ZFHX3: variants seen among roughly 807,000 people sequenced by gnomAD.
ZFHX3 encodes zinc finger homeobox 3.
Under a neutral mutation model 279.1 loss-of-function variants are expected in ZFHX3, and 42 were observed. The observed-to-expected ratio is 0.15, with a 90% CI of 0.12 to 0.19. The LOEUF (loss-of-function observed/expected upper bound fraction) is 0.19, where lower values mean the gene tolerates loss of function less well. Ranked by LOEUF, ZFHX3 falls within the 10% of genes least tolerant of loss-of-function variation. The probability of loss-of-function intolerance (pLI) is 1.00; values close to 1 mark genes in which losing one functional copy is unlikely to be tolerated. For synonymous variants in ZFHX3, 2,293 were observed against 1,957.8 expected (o/e 1.17, Z -4.52); for missense variants, 4,981 against 4,754.0 (o/e 1.05, Z -1.40).
At chr16:73,477,999 G>A (rs1387921468) in intron 2 of ZFHX3, among the ~76,000 whole-genome samples, 1 of 152,108 alleles carries the variant, frequency 6.6e-6, no homozygotes, top group Non-Finnish European at 1.5e-5. Flanking sequence ...GAGGCTGGGC[G>A]CAGTGACTCA....
intron 4 of ZFHX3, among the ~76,000 whole-genome samples, chr16:73,302,602 T>C (rs2015082108): frequency 6.6e-6 from 1 of 152,230 alleles, no homozygotes; most frequent in African/African-American, 2.4e-5. Context: ...CCTCTGGCCT[T>C]GATAACCTCC....
chr16:73,177,036 A>C (rs1967681366), intron 5 of ZFHX3, among the ~76,000 whole-genome samples: 2 of 152,182 alleles, frequency 1.3e-5, no homozygotes, highest in Admixed American at 1.3e-4. Flanking sequence ...TGACATTTGT[A>C]TATCCCTCAG....
At chr16:73,072,567 T>C (rs1965837038) in intron 8 of ZFHX3, among the ~76,000 whole-genome samples, 3 of 152,264 alleles carry the variant, frequency 2.0e-5, no homozygotes, top group Middle Eastern at 6.8e-3. Context: ...GGTTCATTCC[T>C]ATTTCTTTGT....
intron 1 of ZFHX3, among the ~76,000 whole-genome samples, chr16:73,682,946 GAA>G (rs879488631): frequency 8.4e-4 from 15 of 17,836 alleles, no homozygotes; most frequent in Admixed American, 2.6e-3. Context: ...AAGAAAGAAA[GAA>G]AGAAAGAAAG....
At chr16:72,901,311 T>C (rs1313394821) in intron 3 of ZFHX3, among the ~76,000 whole-genome samples, 1 of 152,218 alleles carries the variant, frequency 6.6e-6, no homozygotes, top group African/African-American at 2.4e-5. Context: ...ACTCCTCCCA[T>C]GCTCTTCAAC....
intron 2 of ZFHX3, among the ~76,000 whole-genome samples, chr16:73,559,003 C>A (rs986211317): frequency 6.6e-6 from 1 of 151,884 alleles, no homozygotes; most frequent in Admixed American, 6.6e-5. Flanking sequence ...GCATGAGCCA[C>A]CTCCTCCTCT....
intron 2 of ZFHX3, among the ~76,000 whole-genome samples, chr16:73,635,405 C>G (rs2052518539): frequency 6.6e-6 from 1 of 152,118 alleles, no homozygotes; most frequent in Admixed American, 6.5e-5. Flanking sequence ...GTTCTCAGCC[C>G]AAGAAGTGAC....
rs2035853364 is a variant in ZFHX3 at position 72,795,103 on chromosome 16, G to C, written c.7579C>G (p.Leu2527Val). Residue 2527 changes from leucine to valine, a missense_variant, in exon 9 of 10, where the codon CTA becomes GTA. By Grantham distance (32) the Leu-to-Val change is conservative (BLOSUM62 1). This residue lies in a region of ZFHX3 where 744 missense variants were observed against 701.3 expected (regional missense o/e 1.06). Coordinates refer to ENST00000268489, the MANE Select transcript of ZFHX3 (RefSeq NM_006885.4). ...CACTGGTCACACTGGTAGGGGATTA[G>C]CTGAGGAGGTAGGTTTGCGAGCTGT... is the stretch of plus-strand genomic sequence containing the variant. ...PQQLANLPPQLIPYQCDQCKL... is the reference protein window; with the variant it reads ...PQQLANLPPQVIPYQCDQCKL... 8 of 1,614,102 alleles carry C rather than the reference G, an allele frequency of 5.0e-6. No homozygotes were observed. In the Middle Eastern group the frequency reaches 6.6e-4, roughly 133 times the overall value.
intron 6 of ZFHX3, among the ~76,000 whole-genome samples, chr16:73,134,941 A>T (rs1045749586): frequency 7.2e-5 from 11 of 152,130 alleles, no homozygotes; most frequent in African/African-American, 2.7e-4. Context: ...TCTCAGAATA[A>T]AGACAAAATA....
At chr16:73,090,183 C>A (rs1177287643) in intron 8 of ZFHX3, among the ~76,000 whole-genome samples, 1 of 152,164 alleles carries the variant, frequency 6.6e-6, no homozygotes, top group Non-Finnish European at 1.5e-5. Context: ...CCCTTGAGCT[C>A]AGGAGTTTGA....
intron 5 of ZFHX3, among the ~76,000 whole-genome samples, chr16:73,243,628 T>A (rs564650131): frequency 6.6e-6 from 1 of 152,224 alleles, no homozygotes; most frequent in Admixed American, 6.5e-5. Context: ...CATTTCCATA[T>A]GACGGTAAAG....
intron 2 of ZFHX3, among the ~76,000 whole-genome samples, chr16:73,532,135 T>C (rs2019815613): frequency 6.6e-6 from 1 of 151,804 alleles, no homozygotes; most frequent in African/African-American, 2.4e-5. Flanking sequence ...GTTATCTTAG[T>C]AGTTGATACG....
chr16:73,312,036 C>T lies in ZFHX3; in HGVS notation c.-1194+6204G>A, dbSNP rs189078548. The stretch of plus-strand genomic sequence containing the variant: ...GTCCTCTGTGGGGCACTTATCTGGA[C>T]TGCTGAATGCAGTGGTGTGTGACGT... On this transcript the variant is annotated intron_variant, in intron 4 of 17. Transcript: ENST00000641206. 7.7e-4 allele frequency among the ~76,000 whole-genome samples: 117 copies of T among 152,294 alleles called. 1 individual carries two copies. The highest frequency in any genetic ancestry group is 6.6e-3 in the South Asian group (32 of 4,830).
intron 1 of ZFHX3, among the ~76,000 whole-genome samples, chr16:73,687,715 G>A (rs2053104067): frequency 6.6e-6 from 1 of 151,786 alleles, no homozygotes; most frequent in African/African-American, 2.4e-5. Flanking sequence ...GGTGGCACAT[G>A]CACATGCCTG....
intron 2 of ZFHX3, among the ~76,000 whole-genome samples, chr16:73,582,570 G>A (rs1567524965): frequency 6.6e-6 from 1 of 151,870 alleles, no homozygotes. Flanking sequence ...CACCTCCTGG[G>A]TTCAAGCGAT....
intron 2 of ZFHX3, among the ~76,000 whole-genome samples, chr16:73,573,867 C>G (rs1564435): frequency 0.32 from 48,190 of 152,000 alleles, 10,708 homozygotes; most frequent in African/African-American, 0.64. Context: ...ATAAAATTTA[C>G]GTATAGCTTT....
intron 2 of ZFHX3, among the ~76,000 whole-genome samples, chr16:73,581,946 T>A (rs2051866442): frequency 6.6e-6 from 1 of 151,808 alleles, no homozygotes; most frequent in Admixed American, 6.6e-5. Flanking sequence ...AGTGCTGGGA[T>A]TACAGGCATG....
chr16:73,608,134 T>C (rs552342790), intron 2 of ZFHX3, among the ~76,000 whole-genome samples: 1 of 151,792 alleles, frequency 6.6e-6, no homozygotes, highest in Admixed American at 6.5e-5. Flanking sequence ...ACCTGAGAAA[T>C]AACACTGCAA....
intron 4 of ZFHX3, among the ~76,000 whole-genome samples, chr16:73,317,977 G>T (rs2015492088): frequency 6.6e-6 from 1 of 152,112 alleles, no homozygotes; most frequent in Non-Finnish European, 1.5e-5. Flanking sequence ...TTACAATGAA[G>T]CAAAAGCATC....
Sources: allele counts gnomAD v4.1 joint callset (sites outside exome capture counted in the v4.1 genomes callset), GRCh38; gene constraint gnomAD v4.1.1; regional missense constraint gnomAD v4.1.1; transcripts MANE v1.5; gene names NCBI Gene and HGNC (gene_info 2026-07-23, HGNC 2026-07-21).